The following IL1RAPL2 variants were observed in gnomAD, a reference collection of about 807,000 sequenced individuals.
IL1RAPL2 encodes interleukin 1 receptor accessory protein like 2, also known as X-linked interleukin-1 receptor accessory protein-like 2.
IL1RAPL2 carries 3 observed loss-of-function variants against 44.1 expected under a neutral mutation model. That is an observed-to-expected ratio of 0.07 (90% CI 0.03 to 0.18). IL1RAPL2 has a LOEUF of 0.18. Ranked by LOEUF, IL1RAPL2 falls within the 10% of genes least tolerant of loss-of-function variation. IL1RAPL2 has a pLI of 1.00. For synonymous variants in IL1RAPL2, 181 were observed against 178.8 expected (o/e 1.01, Z -0.10); for missense variants, 391 against 496.4 (o/e 0.79, Z 2.02).
At chrX:105,042,255 C>T (rs1253218618) in intron 2 of IL1RAPL2, among the ~76,000 whole-genome samples, 1 of 108,141 alleles carries the variant, frequency 9.2e-6, no homozygotes, top group East Asian at 2.9e-4. Context: ...AGAGCTTCTG[C>T]ACAGCAAAAG....
At chrX:105,200,587 A>G (rs1197358058) in intron 3 of IL1RAPL2, among the ~76,000 whole-genome samples, 1 of 112,384 alleles carries the variant, frequency 8.9e-6, no homozygotes, top group East Asian at 2.8e-4. Context: ...AGATATAGTC[A>G]TATAATCCTG....
At chrX:105,120,921 T>C (rs1323483319) in intron 2 of IL1RAPL2, among the ~76,000 whole-genome samples, 1 of 111,286 alleles carries the variant, frequency 9.0e-6, no homozygotes, top group Admixed American at 9.6e-5. Context: ...GTGTCCTTTT[T>C]TTTTTCCTCT....
intron 6 of IL1RAPL2, among the ~76,000 whole-genome samples, chrX:105,676,501 G>A (rs999005437): frequency 2.7e-5 from 3 of 111,487 alleles, no homozygotes; most frequent in South Asian, 3.7e-4. Flanking sequence ...AATAGAATCC[G>A]CTTAGGGACT....
At chrX:105,271,586 T>C (rs1460173271) in intron 5 of IL1RAPL2, among the ~76,000 whole-genome samples, 1 of 111,018 alleles carries the variant, frequency 9.0e-6, no homozygotes, top group Non-Finnish European at 1.9e-5. Context: ...GGATAGAGTC[T>C]CTAGGGATAA....
chrX:105,223,702 C>T (rs2033989104), intron 3 of IL1RAPL2, among the ~76,000 whole-genome samples: 1 of 111,481 alleles, frequency 9.0e-6, no homozygotes, highest in African/African-American at 3.3e-5. Flanking sequence ...GGCAGGACCT[C>T]GATGAGATGT....
At chrX:105,374,615 G>A (rs951515618) in intron 5 of IL1RAPL2, among the ~76,000 whole-genome samples, 19 of 110,913 alleles carry the variant, frequency 1.7e-4, no homozygotes, top group African/African-American at 6.2e-4. Context: ...CAATGAGATT[G>A]TATTCCTGAT....
chrX:104,805,644 C>T (rs1469750028), intron 2 of IL1RAPL2, among the ~76,000 whole-genome samples: 1 of 112,152 alleles, frequency 8.9e-6, no homozygotes, highest in Admixed American at 9.5e-5. Flanking sequence ...GCACTGAAAA[C>T]TGTGCAATCC....
At chrX:104,600,882 G>A (rs924772968) in intron 1 of IL1RAPL2, among the ~76,000 whole-genome samples, 4 of 111,845 alleles carry the variant, frequency 3.6e-5, no homozygotes, top group African/African-American at 1.3e-4. Context: ...ATCCCGTGGT[G>A]TATATGTATC....
chrX:105,139,656 C>T (rs925873344), intron 2 of IL1RAPL2, among the ~76,000 whole-genome samples: 1 of 111,498 alleles, frequency 9.0e-6, no homozygotes, highest in African/African-American at 3.3e-5. Flanking sequence ...AGAGAGCTAG[C>T]GCTCATGTCT....
intron 4 of IL1RAPL2, among the ~76,000 whole-genome samples, chrX:105,242,255 G>A (rs782447738): frequency 7.1e-5 from 8 of 112,290 alleles, no homozygotes; most frequent in African/African-American, 2.6e-4. Context: ...TAGACCAAAT[G>A]TCTTTATTTT....
At chrX:105,243,057 C>A (rs1556210205) in intron 4 of IL1RAPL2, among the ~76,000 whole-genome samples, 1 of 110,381 alleles carries the variant, frequency 9.1e-6, no homozygotes, top group Non-Finnish European at 1.9e-5. Flanking sequence ...TGAGATTGTG[C>A]CACTGCATTC....
intron 6 of IL1RAPL2, among the ~76,000 whole-genome samples, chrX:105,662,713 C>T (rs2037729734): frequency 9.0e-6 from 1 of 111,469 alleles, no homozygotes; most frequent in African/African-American, 3.3e-5. Context: ...GGGAAATTTA[C>T]AGCCATGTCA....
intron 6 of IL1RAPL2, among the ~76,000 whole-genome samples, chrX:105,524,026 T>C (rs1178068179): frequency 9.0e-6 from 1 of 111,291 alleles, no homozygotes; most frequent in Non-Finnish European, 1.9e-5. Flanking sequence ...AATTCTAGAG[T>C]TTAAGAACAG....
chrX:105,474,288 C>T (rs1376805157), intron 5 of IL1RAPL2, among the ~76,000 whole-genome samples: 1 of 111,663 alleles, frequency 9.0e-6, no homozygotes, highest in Non-Finnish European at 1.9e-5. Flanking sequence ...AATTGATTTT[C>T]TCCCAGGGCC....
rs184550447 is a variant in IL1RAPL2 at position 104,980,136 on chromosome X, G to C, written c.83-215339G>C. Reference sequence around the variant, plus strand: ...CACATTCACAAAGGGCTGTTGTATAGTTTATTTTAAAAAATAAAGTAGATA... The same window carrying C: ...CACATTCACAAAGGGCTGTTGTATACTTTATTTTAAAAAATAAAGTAGATA... On this transcript the variant is annotated intron_variant, in intron 2 of 10. Coordinates refer to ENST00000372582, the MANE Select transcript of IL1RAPL2 (RefSeq NM_017416.2). Among the ~76,000 whole-genome samples the C allele has an allele frequency of 3.6e-5, 4 of 111,461 alleles. No homozygotes were observed. The East Asian group carries it at 1.1e-3, about 31-fold the overall frequency.
intron 10 of IL1RAPL2, among the ~76,000 whole-genome samples, chrX:105,762,508 A>C (rs766506059): frequency 1.8e-5 from 2 of 112,241 alleles, no homozygotes; most frequent in Non-Finnish European, 3.8e-5. Context: ...TAATTATATC[A>C]ATTTAAGCAC....
intron 5 of IL1RAPL2, among the ~76,000 whole-genome samples, chrX:105,360,046 A>G (rs1414263048): frequency 9.0e-6 from 1 of 111,193 alleles, no homozygotes; most frequent in African/African-American, 3.3e-5. Flanking sequence ...ACCTCTTTGT[A>G]TGTTTTATAG....
intron 6 of IL1RAPL2, among the ~76,000 whole-genome samples, chrX:105,602,798 GAA>G (rs550412686): frequency 5.9e-5 from 5 of 85,130 alleles, no homozygotes; most frequent in African/African-American, 1.3e-4. Flanking sequence ...AGTACCAAAA[GAA>G]AAAAAAAAAA....
Position 105,588,088 on chromosome X carries a change from T to C in IL1RAPL2, c.772+103701T>C, listed in dbSNP as rs192960367. Among the ~76,000 whole-genome samples the C allele has an allele frequency of 3.0e-4, 34 of 111,527 alleles. No homozygotes were observed. In the East Asian group the frequency reaches 9.0e-3, roughly 29 times the overall value. ...AAAAGAAAAATTCCATATATATGGA[T>C]GATGTTATACTTATTTATTTTATAT... On this transcript the variant is annotated intron_variant, in intron 6 of 10. Transcript: ENST00000372582.
Sources: allele counts gnomAD v4.1 joint callset (sites outside exome capture counted in the v4.1 genomes callset), GRCh38; gene constraint gnomAD v4.1.1; transcripts MANE v1.5; gene names NCBI Gene and HGNC (gene_info 2026-07-23, HGNC 2026-07-21).